The following FOXP2 variants were observed in gnomAD, a reference collection of about 807,000 sequenced individuals.
FOXP2 encodes forkhead box protein P2.
In FOXP2, 12 loss-of-function variants were observed where a neutral mutation model predicts 115.8. The ratio of observed to expected loss-of-function variants is 0.10; its 90% confidence interval spans 0.07 to 0.17. The LOEUF is 0.17. Among genes scored for constraint, FOXP2 ranks in the 10% least tolerant of loss-of-function variants. FOXP2 has a pLI of 1.00. For missense variants in FOXP2, 629 were observed against 843.5 expected, an observed-to-expected ratio of 0.75 and a Z score of 3.15; for synonymous variants, 328 against 297.7, an observed-to-expected ratio of 1.10 and a Z score of -1.05.
intron 2 of FOXP2, among the ~76,000 whole-genome samples, chr7:114,481,816 C>CTATCTATA (rs2129237850): frequency 6.9e-6 from 1 of 144,424 alleles, no homozygotes; most frequent in South Asian, 2.2e-4. Flanking sequence ...ATCTATATAT[C>CTATCTATA]TATCTATCTA....
At chr7:114,493,350 T>C (rs1291716958) in intron 2 of FOXP2, among the ~76,000 whole-genome samples, 1 of 152,144 alleles carries the variant, frequency 6.6e-6, no homozygotes, top group Non-Finnish European at 1.5e-5. Flanking sequence ...TGATGGGTCT[T>C]GACTCTTTCC....
At chr7:114,256,927 C>A (rs751054865) in intron 1 of FOXP2, among the ~76,000 whole-genome samples, 5 of 152,178 alleles carry the variant, frequency 3.3e-5, no homozygotes, top group Non-Finnish European at 7.3e-5. Flanking sequence ...ACATTCTTCA[C>A]AGAATTAGAA....
chr7:114,582,573 A>G (rs954553844), intron 3 of FOXP2, among the ~76,000 whole-genome samples: 14 of 152,224 alleles, frequency 9.2e-5, no homozygotes, highest in Non-Finnish European at 7.3e-5. Context: ...GATTGTAATA[A>G]TACAGTCACA....
chr7:114,449,025 T>G (rs1270959275), intron 2 of FOXP2, among the ~76,000 whole-genome samples: 1 of 152,108 alleles, frequency 6.6e-6, no homozygotes, highest in Admixed American at 6.6e-5. Flanking sequence ...TCTTTTCAAC[T>G]TTGATGCCCC....
chr7:114,563,822 T>C (rs1282609099), intron 3 of FOXP2, among the ~76,000 whole-genome samples: 1 of 152,206 alleles, frequency 6.6e-6, no homozygotes, highest in Non-Finnish European at 1.5e-5. Flanking sequence ...ATCGTCTTTG[T>C]TTCTACTGTC....
At chr7:114,273,638 TAC>T (rs767352958) in intron 1 of FOXP2, among the ~76,000 whole-genome samples, 1 of 152,062 alleles carries the variant, frequency 6.6e-6, no homozygotes, top group Non-Finnish European at 1.5e-5. Flanking sequence ...TGTTGTTAGG[TAC>T]ATACATATTA....
chr7:114,475,633 T>C (rs758692451), intron 2 of FOXP2, among the ~76,000 whole-genome samples: 54 of 152,010 alleles, frequency 3.6e-4, no homozygotes, highest in Non-Finnish European at 5.7e-4. Context: ...GCCTTAAAAG[T>C]AAAACATTTT....
intron 2 of FOXP2, among the ~76,000 whole-genome samples, chr7:114,399,760 A>C (rs6952871): frequency 0.017 from 2,541 of 152,200 alleles, 69 homozygotes; most frequent in African/African-American, 0.057. Context: ...AAAGCTAGTA[A>C]GGGGTATTGG....
chr7:114,181,174 C>A (rs1448425617), intron 1 of FOXP2, among the ~76,000 whole-genome samples: 1 of 151,552 alleles, frequency 6.6e-6, no homozygotes, highest in African/African-American at 2.4e-5. Context: ...CATTGCTTTT[C>A]TGTAGGACTG....
At chr7:114,345,030 CTTT>C (rs1791312176) in intron 2 of FOXP2, among the ~76,000 whole-genome samples, 8 of 53,834 alleles carry the variant, frequency 1.5e-4, no homozygotes, top group Admixed American at 1.3e-3. Context: ...TTTGAAGTTA[CTTT>C]ACTTTAGAGT....
intron 1 of FOXP2, among the ~76,000 whole-genome samples, chr7:114,226,829 T>C (rs1173707266): frequency 1.3e-5 from 2 of 152,114 alleles, no homozygotes; most frequent in African/African-American, 2.4e-5. Flanking sequence ...TGGTATATAT[T>C]TCTCTTATCG....
chr7:114,204,873 T>C (rs1328423277), intron 1 of FOXP2, among the ~76,000 whole-genome samples: 16 of 150,778 alleles, frequency 1.1e-4, no homozygotes, highest in Non-Finnish European at 2.4e-4. Context: ...CGAAGTATTA[T>C]ATGTCTTGAA....
chr7:114,133,819 C>T (rs1317823002), intron 1 of FOXP2, among the ~76,000 whole-genome samples: 1 of 152,174 alleles, frequency 6.6e-6, no homozygotes, highest in Non-Finnish European at 1.5e-5. Flanking sequence ...AGGTCTTCCT[C>T]TCTTTGTAGA....
chr7:114,644,056 G>C (rs2129334156), intron 7 of FOXP2, among the ~76,000 whole-genome samples: 1 of 152,216 alleles, frequency 6.6e-6, no homozygotes, highest in African/African-American at 2.4e-5. Context: ...CTTTCATGCT[G>C]TTGTTTTAAT....
At chr7:114,199,398 T>A (rs371421075) in intron 1 of FOXP2, among the ~76,000 whole-genome samples, 14 of 152,194 alleles carry the variant, frequency 9.2e-5, no homozygotes, top group East Asian at 3.9e-4. Flanking sequence ...AATACATATA[T>A]AAATGAATAA....
At chr7:114,329,534 GA>G (rs72260597) in intron 2 of FOXP2, among the ~76,000 whole-genome samples, 63,176 of 140,564 alleles carry the variant, frequency 0.45, 14,340 homozygotes, top group African/African-American at 0.52. Context: ...AAAAAAAAAA[GA>G]AAAAAAAAAG....
intron 1 of FOXP2, among the ~76,000 whole-genome samples, chr7:114,120,346 C>A (rs1326949445): frequency 6.6e-6 from 1 of 152,084 alleles, no homozygotes; most frequent in East Asian, 1.9e-4. Context: ...GGCGTTATGG[C>A]AAATCCAGTA....
intron 1 of FOXP2, among the ~76,000 whole-genome samples, chr7:114,119,605 G>A (rs1791504929): frequency 6.6e-6 from 1 of 151,998 alleles, no homozygotes; most frequent in African/African-American, 2.4e-5. Context: ...CAACTACTCG[G>A]GAGGCTGAGG....
chr7:114,599,341 C>T (rs1220955121), intron 3 of FOXP2, among the ~76,000 whole-genome samples: 3 of 151,970 alleles, frequency 2.0e-5, no homozygotes. Context: ...ATTGTCTTTT[C>T]CTTTATTATT....
Sources: allele counts gnomAD v4.1 joint callset (sites outside exome capture counted in the v4.1 genomes callset), GRCh38; gene constraint gnomAD v4.1.1; transcripts MANE v1.5; gene names NCBI Gene and HGNC (gene_info 2026-07-23, HGNC 2026-07-21).